PPARGC1A: variants seen among roughly 807,000 people sequenced by gnomAD.
PPARGC1A encodes peroxisome proliferator-activated receptor gamma coactivator 1-alpha.
In PPARGC1A, 25 loss-of-function variants were observed where a neutral mutation model predicts 88.7. That is an observed-to-expected ratio of 0.28 (90% CI 0.21 to 0.39). PPARGC1A has a LOEUF of 0.39. Among genes scored for constraint, PPARGC1A ranks in the 10% least tolerant of loss-of-function variants. The probability of loss-of-function intolerance (pLI) is 1.00; values close to 1 mark genes in which losing one functional copy is unlikely to be tolerated. For missense variants in PPARGC1A, 880 were observed against 968.7 expected, an observed-to-expected ratio of 0.91 and a Z score of 1.22; for synonymous variants, 363 against 355.6, an observed-to-expected ratio of 1.02 and a Z score of -0.24.
At chr4:24,326,485 G>T in the PPARGC1A span, among the ~76,000 whole-genome samples, 5 of 151,966 alleles carry the variant, frequency 3.3e-5, no homozygotes, top group Non-Finnish European at 7.4e-5. Flanking sequence ...CTATTCCTTT[G>T]CACCCGTCAT....
At chr4:24,026,930 T>C in the PPARGC1A span, among the ~76,000 whole-genome samples, 1 of 152,144 alleles carries the variant, frequency 6.6e-6, no homozygotes, top group Non-Finnish European at 1.5e-5. Context: ...TCCTGCCCTC[T>C]TTCCCTCAAA....
chr4:24,135,905 C>T, the PPARGC1A span, among the ~76,000 whole-genome samples: 1 of 152,186 alleles, frequency 6.6e-6, no homozygotes, highest in East Asian at 1.9e-4. Flanking sequence ...GTTTAAACAC[C>T]ACAGGAGGTA....
the PPARGC1A span, among the ~76,000 whole-genome samples, chr4:24,429,044 C>T: frequency 0.013 from 1,953 of 152,254 alleles, 41 homozygotes; most frequent in African/African-American, 0.043. Context: ...CTGCAAATTC[C>T]CATCTATTTG....
the PPARGC1A span, among the ~76,000 whole-genome samples, chr4:24,034,623 T>C: frequency 6.6e-6 from 1 of 152,204 alleles, no homozygotes; most frequent in Non-Finnish European, 1.5e-5. Flanking sequence ...AGACTGACCA[T>C]GAATTGTTAA....
the PPARGC1A span, among the ~76,000 whole-genome samples, chr4:24,104,040 T>G: frequency 6.6e-5 from 10 of 152,244 alleles, no homozygotes; most frequent in African/African-American, 2.4e-4. Context: ...CCTCACAACA[T>G]CATGTCTCAC....
At chr4:23,800,178 A>G (rs1241952088) in intron 12 of PPARGC1A, among the ~76,000 whole-genome samples, 1 of 152,194 alleles carries the variant, frequency 6.6e-6, no homozygotes, top group Non-Finnish European at 1.5e-5. Flanking sequence ...TTACCAACCC[A>G]GAGAAAGTGC....
the PPARGC1A span, among the ~76,000 whole-genome samples, chr4:24,228,426 A>T: frequency 6.6e-6 from 1 of 152,220 alleles, no homozygotes; most frequent in Admixed American, 6.5e-5. Flanking sequence ...CTCTCTTATA[A>T]GTGAGAGCTA....
At chr4:23,884,996 C>T (rs957010193) in intron 1 of PPARGC1A, 65 bp from the exon 2 acceptor site, 1 of 1,366,578 alleles carries the variant, frequency 7.3e-7, no homozygotes, top group South Asian at 1.6e-5. Context: ...TATTAAACTG[C>T]AATAGCATGT....
chr4:24,231,596 C>G, the PPARGC1A span, among the ~76,000 whole-genome samples: 3 of 152,172 alleles, frequency 2.0e-5, no homozygotes, highest in African/African-American at 4.8e-5. Flanking sequence ...TAATCCTCCC[C>G]GAATTAGCTG....
the PPARGC1A span, among the ~76,000 whole-genome samples, chr4:24,332,226 C>T: frequency 8.6e-5 from 13 of 151,970 alleles, no homozygotes; most frequent in Non-Finnish European, 1.5e-5. Context: ...AATCCATTCA[C>T]CTCGGCCTCT....
chr4:24,339,233 TATATACACAC>T, the PPARGC1A span, among the ~76,000 whole-genome samples: 20 of 119,298 alleles, frequency 1.7e-4, no homozygotes, highest in South Asian at 3.3e-4. Flanking sequence ...TATATATATA[TATATACACAC>T]ACACACACAC....
chr4:24,392,134 A>G, the PPARGC1A span, among the ~76,000 whole-genome samples: 2 of 152,236 alleles, frequency 1.3e-5, no homozygotes, highest in Non-Finnish European at 2.9e-5. Context: ...TCTGCCAGCT[A>G]AAACCCAATG....
At chr4:24,410,802 A>G in the PPARGC1A span, among the ~76,000 whole-genome samples, 1 of 152,028 alleles carries the variant, frequency 6.6e-6, no homozygotes, top group African/African-American at 2.4e-5. Context: ...CAGCTTTTGG[A>G]CTTTTGGACT....
At chr4:24,297,202 G>T in the PPARGC1A span, among the ~76,000 whole-genome samples, 9 of 152,106 alleles carry the variant, frequency 5.9e-5, no homozygotes, top group Non-Finnish European at 1.3e-4. Context: ...ACTATATACA[G>T]GCATGAGGTA....
the PPARGC1A span, among the ~76,000 whole-genome samples, chr4:24,314,775 ATTAAG>A: frequency 6.6e-6 from 1 of 152,144 alleles, no homozygotes; most frequent in Non-Finnish European, 1.5e-5. Flanking sequence ...GCTTAACTTT[ATTAAG>A]TTGATTATTG....
At chr4:23,877,057 A>T (rs1441542594) in intron 2 of PPARGC1A, among the ~76,000 whole-genome samples, 8 of 152,174 alleles carry the variant, frequency 5.3e-5, no homozygotes, top group Non-Finnish European at 1.0e-4. Context: ...CAAATGGCTT[A>T]ATGGATAAGA....
chr4:23,859,956 T>A (rs578113231), intron 2 of PPARGC1A, among the ~76,000 whole-genome samples: 1 of 152,170 alleles, frequency 6.6e-6, no homozygotes, highest in South Asian at 2.1e-4. Context: ...AAAAGGGCTT[T>A]TGAGTTAGAC....
the PPARGC1A span, among the ~76,000 whole-genome samples, chr4:24,061,029 A>C: frequency 2.6e-5 from 4 of 152,126 alleles, no homozygotes; most frequent in Non-Finnish European, 5.9e-5. Context: ...TATTATCCTC[A>C]TGGCATAAAC....
At chr4:24,454,304 T>G in the PPARGC1A span, among the ~76,000 whole-genome samples, 1 of 151,804 alleles carries the variant, frequency 6.6e-6, no homozygotes, top group East Asian at 1.9e-4. Context: ...TTTTTTAACA[T>G]AGTATATGGT....
Sources: gnomAD v4.1 joint callset for allele counts (sites outside exome capture counted in the v4.1 genomes callset) on GRCh38, gnomAD v4.1.1 for gene constraint, MANE v1.5 for transcripts, NCBI Gene and HGNC (gene_info 2026-07-23, HGNC 2026-07-21) for gene names.